SLC10A7: variants seen among roughly 807,000 people sequenced by gnomAD.
The protein encoded by SLC10A7 is solute carrier family 10 member 7, also known as sodium/bile acid cotransporter 7.
A neutral mutation model predicts 43.2 loss-of-function variants in SLC10A7; 29 were observed. The ratio of observed to expected loss-of-function variants is 0.67; its 90% confidence interval spans 0.50 to 0.92. The LOEUF (loss-of-function observed/expected upper bound fraction) is 0.92. Among genes scored for constraint, SLC10A7 ranks in the 40% least tolerant of loss-of-function variants. SLC10A7 has a pLI of 0.00. For synonymous variants in SLC10A7, 152 were observed against 144.8 expected, an observed-to-expected ratio of 1.05 and a Z score of -0.35; for missense variants, 295 against 403.2, an observed-to-expected ratio of 0.73 and a Z score of 2.30.
intron 5 of SLC10A7, among the ~76,000 whole-genome samples, chr4:146,386,999 G>A (rs907787443): frequency 6.6e-6 from 1 of 152,186 alleles, no homozygotes; most frequent in African/African-American, 2.4e-5. Flanking sequence ...ATGTTTGTGA[G>A]AGAATCGGAG....
intron 6 of SLC10A7, among the ~76,000 whole-genome samples, chr4:146,319,983 C>T (rs1416309802): frequency 4.6e-5 from 7 of 151,896 alleles, no homozygotes; most frequent in East Asian, 1.9e-4. Context: ...GGTGGGACCA[C>T]GTAAAATTTC....
rs555738321 is a variant in SLC10A7 at position 146,281,082 on chromosome 4, C to A, written c.847+2110G>T. Reference sequence around the variant, plus strand: ...AAAGCAAACAGAAATCCAATTTAACCCAACCCTTTTTAGCAAAACAACTAC... The same window carrying A: ...AAAGCAAACAGAAATCCAATTTAACACAACCCTTTTTAGCAAAACAACTAC... On this transcript the variant is annotated intron_variant, in intron 10 of 11. Coordinates refer to ENST00000335472, the MANE Select transcript of SLC10A7 (RefSeq NM_001029998.6). Among the ~76,000 whole-genome samples the A allele has an allele frequency of 2.6e-4, 39 of 152,210 alleles. No individual in the cohort carries two copies. The South Asian group carries it at 2.9e-3, about 11-fold the overall frequency.
At chr4:146,290,243 G>A (rs934575685) in intron 9 of SLC10A7, among the ~76,000 whole-genome samples, 1 of 145,812 alleles carries the variant, frequency 6.9e-6, no homozygotes, top group Admixed American at 7.0e-5. Context: ...AGAATGGCAT[G>A]AACCCAGGAG....
At chr4:146,270,106 C>T (rs1728803620) in intron 10 of SLC10A7, among the ~76,000 whole-genome samples, 1 of 152,098 alleles carries the variant, frequency 6.6e-6, no homozygotes, top group African/African-American at 2.4e-5. Context: ...AGATCCATGT[C>T]TCTTAAAAAG....
At chr4:146,378,087 C>T (rs550632030) in intron 5 of SLC10A7, among the ~76,000 whole-genome samples, 4 of 152,232 alleles carry the variant, frequency 2.6e-5, no homozygotes, top group African/African-American at 7.2e-5. Flanking sequence ...AAAGAGTATG[C>T]GTTTTAGGTG....
intron 5 of SLC10A7, among the ~76,000 whole-genome samples, chr4:146,390,353 G>A (rs10012766): frequency 0.56 from 85,586 of 152,034 alleles, 24,552 homozygotes; most frequent in East Asian, 0.78. Context: ...TTTAGGCTGG[G>A]TACAGTGGCT....
intron 6 of SLC10A7, among the ~76,000 whole-genome samples, chr4:146,310,829 C>G (rs1731925063): frequency 6.6e-6 from 1 of 151,988 alleles, no homozygotes; most frequent in South Asian, 2.1e-4. Flanking sequence ...CTCCAAAGCC[C>G]TCACACTTAA....
intron 5 of SLC10A7, among the ~76,000 whole-genome samples, chr4:146,383,587 T>C (rs1737787036): frequency 6.6e-6 from 1 of 152,210 alleles, no homozygotes; most frequent in Non-Finnish European, 1.5e-5. Flanking sequence ...TTGTTTTCAA[T>C]ATATCTCTGC....
intron 5 of SLC10A7, among the ~76,000 whole-genome samples, chr4:146,358,974 A>G (rs1735854630): frequency 6.6e-6 from 1 of 152,136 alleles, no homozygotes; most frequent in African/African-American, 2.4e-5. Flanking sequence ...TACTTGAACC[A>G]TTTACCATTC....
At chr4:146,436,272 A>G (rs1433821182) in intron 5 of SLC10A7, among the ~76,000 whole-genome samples, 1 of 152,138 alleles carries the variant, frequency 6.6e-6, no homozygotes, top group Non-Finnish European at 1.5e-5. Flanking sequence ...CATTTTTATT[A>G]AGTAACAAAG....
At chr4:146,426,249 G>A (rs537687285) in intron 5 of SLC10A7, among the ~76,000 whole-genome samples, 26 of 152,286 alleles carry the variant, frequency 1.7e-4, no homozygotes, top group African/African-American at 5.1e-4. Flanking sequence ...TACTAGAAAC[G>A]GTTCAGCGAG....
intron 6 of SLC10A7, among the ~76,000 whole-genome samples, chr4:146,325,751 T>A (rs1733059412): frequency 6.6e-6 from 1 of 152,222 alleles, no homozygotes; most frequent in South Asian, 2.1e-4. Flanking sequence ...GCTGGAGGCC[T>A]AATGACTGGG....
intron 7 of SLC10A7, among the ~76,000 whole-genome samples, chr4:146,298,241 T>C (rs1303226105): frequency 6.6e-6 from 1 of 152,250 alleles, no homozygotes; most frequent in Non-Finnish European, 1.5e-5. Context: ...CTGTCCCTGG[T>C]ACATGATCAC....
At chr4:146,518,925 T>C (rs1026271961) in intron 1 of SLC10A7, among the ~76,000 whole-genome samples, 6 of 151,002 alleles carry the variant, frequency 4.0e-5, no homozygotes, top group African/African-American at 1.5e-4. Context: ...ACCTGGTTCA[T>C]GGTAATTTGT....
intron 2 of SLC10A7, chr4:146,514,570 C>T (rs1737780318): frequency 6.6e-6 from 1 of 152,170 alleles, no homozygotes; most frequent in South Asian, 2.1e-4. Context: ...TTTTAGAATA[C>T]ATGTCATTAA....
chr4:146,516,891 A>T, intron 2 of SLC10A7, 147 bp downstream of exon 2: 1 of 582,800 alleles, frequency 1.7e-6, no homozygotes, highest in Non-Finnish European at 3.0e-6. Context: ...AATGAAACAC[A>T]AGTCCTTTGC....
At chr4:146,385,006 C>A (rs1221464367) in intron 5 of SLC10A7, among the ~76,000 whole-genome samples, 1 of 152,018 alleles carries the variant, frequency 6.6e-6, no homozygotes, top group Non-Finnish European at 1.5e-5. Flanking sequence ...TGAAAAGACT[C>A]CTTCAGAGTA....
At chr4:146,489,383 T>C (rs931638801) in intron 4 of SLC10A7, among the ~76,000 whole-genome samples, 1 of 152,248 alleles carries the variant, frequency 6.6e-6, no homozygotes, top group African/African-American at 2.4e-5. Context: ...TCTGTAAGCC[T>C]AGACAAATTT....
intron 2 of SLC10A7, among the ~76,000 whole-genome samples, chr4:146,515,470 C>T (rs759165892): frequency 1.3e-5 from 2 of 152,098 alleles, no homozygotes; most frequent in African/African-American, 4.8e-5. Context: ...ATATTGTTTA[C>T]CAAAATTGGA....
Sources: allele counts gnomAD v4.1 joint callset (sites outside exome capture counted in the v4.1 genomes callset), GRCh38; gene constraint gnomAD v4.1.1; transcripts MANE v1.5; gene names NCBI Gene and HGNC (gene_info 2026-07-23, HGNC 2026-07-21).